PTPRD: variants seen among roughly 807,000 people sequenced by gnomAD.
The protein encoded by PTPRD is protein tyrosine phosphatase receptor type D.
A neutral mutation model predicts 214.5 loss-of-function variants in PTPRD; 34 were observed. The observed-to-expected ratio is 0.16, with a 90% CI of 0.12 to 0.21. The LOEUF (loss-of-function observed/expected upper bound fraction) is 0.21, where lower values mean the gene tolerates loss of function less well. Ranked by LOEUF, PTPRD falls within the 10% of genes least tolerant of loss-of-function variation. The pLI, the probability that PTPRD is intolerant of heterozygous loss-of-function variation, is 1.00. For missense variants in PTPRD, 2,545 were observed against 2,398.7 expected (o/e 1.06, Z -1.27); for synonymous variants, 1,128 against 845.7 (o/e 1.33, Z -5.79).
chr9:9,443,585 A>C (rs2144638132), intron 8 of PTPRD, among the ~76,000 whole-genome samples: 1 of 152,314 alleles, frequency 6.6e-6, no homozygotes, highest in African/African-American at 2.4e-5. Context: ...TTGTTACGTA[A>C]GAAGTCTGAC....
chr9:9,309,275 C>A (rs7859049), intron 9 of PTPRD, among the ~76,000 whole-genome samples: 228 of 151,148 alleles, frequency 1.5e-3, no homozygotes, highest in African/African-American at 5.3e-3. Flanking sequence ...CACAAATACT[C>A]CAGTTTCCTA....
intron 5 of PTPRD, among the ~76,000 whole-genome samples, chr9:9,801,223 G>A (rs762021471): frequency 2.0e-5 from 3 of 151,848 alleles, no homozygotes; most frequent in African/African-American, 7.3e-5. Context: ...TACATTCATA[G>A]AAAGGAAAAT....
intron 9 of PTPRD, among the ~76,000 whole-genome samples, chr9:9,235,603 G>T (rs997781770): frequency 1.3e-5 from 2 of 151,926 alleles, no homozygotes; most frequent in African/African-American, 4.8e-5. Context: ...ACTGTTTCTG[G>T]TGTCCAATAA....
intron 10 of PTPRD, among the ~76,000 whole-genome samples, chr9:9,125,157 A>G (rs1412359853): frequency 6.6e-6 from 1 of 152,204 alleles, no homozygotes; most frequent in Non-Finnish European, 1.5e-5. Context: ...TCTCAACAGT[A>G]GAGCAGCTAT....
chr9:8,536,720 G>C (rs1160855432), intron 14 of PTPRD, among the ~76,000 whole-genome samples: 1 of 151,964 alleles, frequency 6.6e-6, no homozygotes. Flanking sequence ...GGCACCAAAA[G>C]TCAGTACAGA....
chr9:8,466,040 T>G (rs967074703), intron 31 of PTPRD, among the ~76,000 whole-genome samples: 4 of 151,880 alleles, frequency 2.6e-5, no homozygotes, highest in African/African-American at 9.7e-5. Context: ...CTGCAGGAGA[T>G]TTATTAAATA....
chr9:9,997,378 T>C (rs1318235744), intron 4 of PTPRD, among the ~76,000 whole-genome samples: 1 of 151,392 alleles, frequency 6.6e-6, no homozygotes, highest in Non-Finnish European at 1.5e-5. Context: ...CTCTGCCTCC[T>C]GGGTTCAAGC....
intron 2 of PTPRD, among the ~76,000 whole-genome samples, chr9:10,456,158 T>A (rs1435481274): frequency 6.6e-6 from 1 of 151,804 alleles, no homozygotes; most frequent in Admixed American, 6.6e-5. Context: ...TAAAACCCGA[T>A]AAGGCTAAGC....
intron 6 of PTPRD, among the ~76,000 whole-genome samples, chr9:9,749,114 A>C (rs2098487657): frequency 6.6e-6 from 1 of 152,066 alleles, no homozygotes; most frequent in Admixed American, 6.6e-5. Context: ...CTGATTCTAA[A>C]GTTTGGCAGA....
intron 44 of PTPRD, among the ~76,000 whole-genome samples, chr9:8,327,241 T>C (rs922406385): frequency 6.6e-6 from 1 of 151,866 alleles, no homozygotes; most frequent in African/African-American, 2.4e-5. Context: ...TTTGTTCTCA[T>C]TGGCTTCAAA....
At chr9:8,628,067 T>C (rs1295694320) in intron 14 of PTPRD, among the ~76,000 whole-genome samples, 2 of 151,878 alleles carry the variant, frequency 1.3e-5, no homozygotes, top group Non-Finnish European at 2.9e-5. Flanking sequence ...CTTCCTTTTG[T>C]TTCAGTCTTT....
intron 11 of PTPRD, among the ~76,000 whole-genome samples, chr9:8,853,541 C>T (rs1273321148): frequency 6.6e-6 from 1 of 152,084 alleles, no homozygotes; most frequent in Non-Finnish European, 1.5e-5. Flanking sequence ...AAATGTATCC[C>T]AAACAAACCT....
chr9:9,516,892 A>G (rs1422736037), intron 8 of PTPRD, among the ~76,000 whole-genome samples: 2 of 152,122 alleles, frequency 1.3e-5, no homozygotes, highest in Admixed American at 6.6e-5. Context: ...ACTAAAAATT[A>G]AACATATTTA....
intron 3 of PTPRD, among the ~76,000 whole-genome samples, chr9:10,169,427 T>C (rs1234044425): frequency 2.3e-5 from 3 of 132,146 alleles, no homozygotes; most frequent in Non-Finnish European, 4.6e-5. Flanking sequence ...TGAGCAGAGA[T>C]CGCGCCACTG....
intron 11 of PTPRD, among the ~76,000 whole-genome samples, chr9:8,947,874 C>G (rs995471885): frequency 6.6e-6 from 1 of 152,008 alleles, no homozygotes; most frequent in Non-Finnish European, 1.5e-5. Context: ...TTTAAGTATT[C>G]TCCTTTTATT....
intron 14 of PTPRD, among the ~76,000 whole-genome samples, chr9:8,546,643 C>T (rs551724737): frequency 6.6e-6 from 1 of 152,036 alleles, no homozygotes; most frequent in African/African-American, 2.4e-5. Context: ...GGATTACAGG[C>T]GTGCGCCACC....
In PTPRD at chr9:10,082,295, T is replaced by A. The variant is rs112168486; in HGVS notation, c.-544-48505A>T. Reference sequence around the variant, plus strand: ...TATCTCTCATCACCTTTTTCACACTTATCAAATGAATTGACACATTTGACC... The same window carrying A: ...TATCTCTCATCACCTTTTTCACACTAATCAAATGAATTGACACATTTGACC... On this transcript the variant is annotated intron_variant, in intron 3 of 45. Transcript: ENST00000381196. Among the ~76,000 whole-genome samples the A allele has an allele frequency of 2.1e-4, 32 of 152,242 alleles. 1 individual carries two copies. The highest frequency in any genetic ancestry group is 7.5e-4 in the African/African-American group (31 of 41,578).
At chr9:10,528,117 G>C (rs1248912809) in intron 2 of PTPRD, among the ~76,000 whole-genome samples, 1 of 152,114 alleles carries the variant, frequency 6.6e-6, no homozygotes, top group Non-Finnish European at 1.5e-5. Flanking sequence ...AAGGGCAGGA[G>C]CCTGATGCAG....
chr9:10,183,114 C>G lies in PTPRD; in HGVS notation c.-544-149324G>C, dbSNP rs115265196. On this transcript the variant is annotated intron_variant, in intron 3 of 45. Coordinates refer to ENST00000381196, the MANE Select transcript of PTPRD (RefSeq NM_002839.4). ...TTGTTATGGATTTTAACTACGACAA[C>G]TTCTTAGATCAGATCCTAGCACATA... Among the ~76,000 whole-genome samples, 368 of 152,254 alleles carry G rather than the reference C, an allele frequency of 2.4e-3. 5 individuals are homozygous for G. The highest frequency in any genetic ancestry group is 8.4e-3 in the African/African-American group (350 of 41,566).
Sources: allele counts gnomAD v4.1 joint callset (sites outside exome capture counted in the v4.1 genomes callset), GRCh38; gene constraint gnomAD v4.1.1; transcripts MANE v1.5; gene names NCBI Gene and HGNC (gene_info 2026-07-23, HGNC 2026-07-21).